The following MACROD2 variants were observed in gnomAD, a reference collection of about 807,000 sequenced individuals.
MACROD2 encodes ADP-ribose glycohydrolase MACROD2.
A neutral mutation model predicts 70.4 loss-of-function variants in MACROD2; 36 were observed. The observed-to-expected ratio is 0.51, with a 90% CI of 0.39 to 0.68. The LOEUF (loss-of-function observed/expected upper bound fraction) is 0.68, where lower values mean the gene tolerates loss of function less well. MACROD2 is among the 30% of genes least tolerant of loss of function. The pLI is 0.00. For synonymous variants in MACROD2, 172 were observed against 178.8 expected, an observed-to-expected ratio of 0.96 and a Z score of 0.30; for missense variants, 496 against 538.4, an observed-to-expected ratio of 0.92 and a Z score of 0.78.
At chr20:14,725,706 G>T (rs2071521134) in intron 5 of MACROD2, among the ~76,000 whole-genome samples, 1 of 152,078 alleles carries the variant, frequency 6.6e-6, no homozygotes, top group African/African-American at 2.4e-5. Context: ...CATTCTGCTG[G>T]TGACCGCTGG....
intron 3 of MACROD2, among the ~76,000 whole-genome samples, chr20:14,311,700 T>A (rs1286511908): frequency 6.6e-6 from 1 of 152,100 alleles, no homozygotes; most frequent in African/African-American, 2.4e-5. Context: ...GTATTTTTAG[T>A]AGAGACGGGG....
intron 5 of MACROD2, among the ~76,000 whole-genome samples, chr20:14,983,689 A>T (rs1213829936): frequency 6.6e-6 from 1 of 152,134 alleles, no homozygotes; most frequent in Non-Finnish European, 1.5e-5. Flanking sequence ...AAGTTCAATA[A>T]ACCCCTTTCT....
chr20:14,663,907 T>C (rs2070706888), intron 4 of MACROD2, among the ~76,000 whole-genome samples: 1 of 152,076 alleles, frequency 6.6e-6, no homozygotes, highest in Non-Finnish European at 1.5e-5. Context: ...AATTGTTTTC[T>C]CCTTACCACT....
intron 6 of MACROD2, among the ~76,000 whole-genome samples, chr20:15,302,549 A>G (rs2077657459): frequency 6.6e-6 from 1 of 152,206 alleles, no homozygotes; most frequent in African/African-American, 2.4e-5. Context: ...ATGTATCACA[A>G]ATTATTCAAC....
At chr20:14,768,326 C>A (rs1213188639) in intron 5 of MACROD2, among the ~76,000 whole-genome samples, 2 of 152,030 alleles carry the variant, frequency 1.3e-5, no homozygotes, top group Non-Finnish European at 2.9e-5. Flanking sequence ...TTAATGATCG[C>A]CATTCTAATT....
At chr20:15,242,421 T>C (rs937135833) in intron 6 of MACROD2, among the ~76,000 whole-genome samples, 14 of 152,356 alleles carry the variant, frequency 9.2e-5, no homozygotes, top group Middle Eastern at 6.8e-3. Flanking sequence ...TTTTATATGC[T>C]GTTGGATTAT....
chr20:15,165,595 C>G (rs2145880275), intron 5 of MACROD2, among the ~76,000 whole-genome samples: 1 of 152,274 alleles, frequency 6.6e-6, no homozygotes, highest in East Asian at 1.9e-4. Flanking sequence ...CAAATTAATT[C>G]AGTAGTACAA....
chr20:15,175,437 A>T (rs2076453519), intron 5 of MACROD2, among the ~76,000 whole-genome samples: 1 of 151,974 alleles, frequency 6.6e-6, no homozygotes. Context: ...ATAATAATAA[A>T]AATAAAATTT....
chr20:15,464,339 C>T (rs1431814409), intron 7 of MACROD2, among the ~76,000 whole-genome samples: 4 of 152,106 alleles, frequency 2.6e-5, no homozygotes, highest in Non-Finnish European at 4.4e-5. Flanking sequence ...GTTCTTTTCA[C>T]GAAAGACAAG....
intron 3 of MACROD2, among the ~76,000 whole-genome samples, chr20:14,263,079 T>C (rs903433978): frequency 6.6e-6 from 1 of 152,096 alleles, no homozygotes; most frequent in African/African-American, 2.4e-5. Flanking sequence ...TTCTGGAGAA[T>C]ATATCAAGGA....
At chr20:15,537,101 C>T (rs550915201) in intron 8 of MACROD2, among the ~76,000 whole-genome samples, 8 of 152,248 alleles carry the variant, frequency 5.3e-5, no homozygotes, top group African/African-American at 1.2e-4. Flanking sequence ...GGGACCCAGT[C>T]GGACATAATT....
At chr20:16,043,275 C>T (rs1009028708) in intron 16 of MACROD2, among the ~76,000 whole-genome samples, 1 of 151,972 alleles carries the variant, frequency 6.6e-6, no homozygotes, top group Non-Finnish European at 1.5e-5. Context: ...CCTGGTTGGT[C>T]CCAAGTTGGA....
At chr20:14,423,612 A>G (rs1481717663) in intron 3 of MACROD2, among the ~76,000 whole-genome samples, 1 of 148,666 alleles carries the variant, frequency 6.7e-6, no homozygotes, top group Non-Finnish European at 1.5e-5. Context: ...AGGCAGGAGA[A>G]TGGCTTGAAC....
chr20:15,694,165 G>A (rs188971176), intron 8 of MACROD2, among the ~76,000 whole-genome samples: 18 of 152,242 alleles, frequency 1.2e-4, no homozygotes, highest in Non-Finnish European at 1.9e-4. Context: ...GAATTGTGCT[G>A]CTATAAACAT....
At chr20:14,260,832 G>C (rs1349273984) in intron 3 of MACROD2, among the ~76,000 whole-genome samples, 1 of 152,214 alleles carries the variant, frequency 6.6e-6, no homozygotes, top group African/African-American at 2.4e-5. Context: ...TGGGTATGCA[G>C]TAAGGAATAC....
chr20:15,986,145 C>A (rs1224339300), intron 13 of MACROD2, among the ~76,000 whole-genome samples: 10 of 152,150 alleles, frequency 6.6e-5, no homozygotes, highest in Non-Finnish European at 7.4e-5. Context: ...GGGCTGGTGC[C>A]GGGCTGCCTG....
At chr20:14,721,596 G>T (rs956432586) in intron 5 of MACROD2, among the ~76,000 whole-genome samples, 1 of 152,158 alleles carries the variant, frequency 6.6e-6, no homozygotes, top group Non-Finnish European at 1.5e-5. Context: ...TACTGCCAAA[G>T]CTTGTGGGTG....
intron 5 of MACROD2, among the ~76,000 whole-genome samples, chr20:14,899,199 A>G (rs1239289003): frequency 6.6e-6 from 1 of 152,172 alleles, no homozygotes; most frequent in Non-Finnish European, 1.5e-5. Flanking sequence ...TTACGTCTCA[A>G]CTCATATTTT....
chr20:14,324,577 G>A (rs924904919), intron 3 of MACROD2: 1 of 152,048 alleles, frequency 6.6e-6, no homozygotes, highest in Non-Finnish European at 1.5e-5. Context: ...GGATTGTTGA[G>A]GGGAATCGCT....
Sources: allele counts gnomAD v4.1 joint callset (sites outside exome capture counted in the v4.1 genomes callset), GRCh38; gene constraint gnomAD v4.1.1; transcripts MANE v1.5; gene names NCBI Gene and HGNC (gene_info 2026-07-23, HGNC 2026-07-21).